Variants in CUX1 observed in about 807,000 individuals in gnomAD.
CUX1 encodes protein CASP.
A neutral mutation model predicts 158.8 loss-of-function variants in CUX1; 31 were observed. That is an observed-to-expected ratio of 0.20 (90% CI 0.15 to 0.26). The LOEUF is 0.26. CUX1 is among the 10% of genes least tolerant of loss of function. The pLI, the probability that CUX1 is intolerant of heterozygous loss-of-function variation, is 1.00. For synonymous variants in CUX1, 879 were observed against 862.1 expected (o/e 1.02, Z -0.34); for missense variants, 1,589 against 2,014.6 (o/e 0.79, Z 4.04).
intron 11 of CUX1, among the ~76,000 whole-genome samples, chr7:102,183,728 C>A (rs1358587601): frequency 6.6e-6 from 1 of 152,244 alleles, no homozygotes; most frequent in Non-Finnish European, 1.5e-5. Flanking sequence ...CTGAGCCAGT[C>A]AGACAGCACC....
chr7:102,153,373 G>A (rs895878239), intron 8 of CUX1: 1 of 152,356 alleles, frequency 6.6e-6, no homozygotes, highest in Non-Finnish European at 1.5e-5. Context: ...CGCAAGTGAG[G>A]AGTGGATGAA....
chr7:101,881,659 T>G (rs1211050585), intron 1 of CUX1, among the ~76,000 whole-genome samples: 1 of 152,186 alleles, frequency 6.6e-6, no homozygotes, highest in Non-Finnish European at 1.5e-5. Flanking sequence ...TGTCAAGAAC[T>G]TATCCTGCCT....
At position 102,248,392 on chromosome 7, in the gene CUX1, C is replaced by T. The variant is rs1316421594; in HGVS notation, c.3888-20C>T. 3 of 1,572,442 alleles carry T rather than the reference C, an allele frequency of 1.9e-6. No homozygotes were observed. Among genetic ancestry groups the T allele is most frequent in the Non-Finnish European group, 2.6e-6 (3 of 1,165,750 alleles). ...CCCAGCAGCACCCCCCTCACGTCCCCGCCGCTTGTTGTCTTGTAGGTCTCG... is the reference window on the plus strand; with the variant it reads ...CCCAGCAGCACCCCCCTCACGTCCCTGCCGCTTGTTGTCTTGTAGGTCTCG... On this transcript the variant is annotated intron_variant, in intron 23 of 23. Transcript: ENST00000292535. The surrounding 1 kb of genome is among the most constrained non-coding windows in gnomAD (Gnocchi z 5.8).
chr7:102,254,010 G>T lies in CUX1; in HGVS notation c.*4968G>T. 1.0e-6 allele frequency: 1 copy of T among 985,488 alleles called. No individual in the cohort carries two copies. The highest frequency in any genetic ancestry group is 1.2e-6 in the Non-Finnish European group (1 of 829,970). 61.0% of individuals were successfully genotyped at this position (985,488 alleles called of 1,614,324 possible). A position where few individuals can be genotyped will look rare whatever the true frequency, so the allele number is the denominator to read the frequency against. ...AACTGTGAGGCACGTGGGCTGGAGA[G>T]AGCAGAAAAGCTGCCAGCGCAGCAG... On this transcript the variant is annotated 3_prime_UTR_variant, in exon 24 of 24. Coordinates refer to ENST00000292535, the MANE Select transcript of CUX1 (RefSeq NM_181552.4).
At chr7:102,232,831 G>A (rs950683584) in intron 21 of CUX1, among the ~76,000 whole-genome samples, 10 of 152,176 alleles carry the variant, frequency 6.6e-5, no homozygotes, top group Admixed American at 2.6e-4. Context: ...TCAGGAAAGG[G>A]GTTTTGATCC....
Position 102,068,086 on chromosome 7 carries a change from G to T in CUX1, c.190-2253G>T, listed in dbSNP as rs141655779. Among the ~76,000 whole-genome samples the T allele has an allele frequency of 6.8e-3, 1,027 of 151,432 alleles. 16 individuals are homozygous for T. Among genetic ancestry groups the T allele is most frequent in the African/African-American group, 0.024 (990 of 41,304 alleles). On this transcript the variant is annotated intron_variant, in intron 3 of 23. Transcript: ENST00000292535. ...CACCAAATTCACAACCTTGTTTTTT[G>T]TTGTTGTTGTTGTTGTTTAATTTGA...
intron 4 of CUX1, among the ~76,000 whole-genome samples, chr7:102,097,031 C>T (rs1829271918): frequency 6.6e-6 from 1 of 152,258 alleles, no homozygotes; most frequent in Admixed American, 6.5e-5. Flanking sequence ...CCTCCTGGGG[C>T]TGCTACCTGG....
chr7:101,967,419 C>T lies in CUX1; in HGVS notation c.141+51194C>T, dbSNP rs560491433. ...GAAACACCGCGCTAGATCTGGTAGC[C>T]GCGGACAATTTGGATTCCTTCTCCA... On this transcript the variant is annotated intron_variant, in intron 2 of 23. Coordinates refer to ENST00000292535, the MANE Select transcript of CUX1 (RefSeq NM_181552.4). Among the ~76,000 whole-genome samples the T allele has an allele frequency of 5.3e-4, 80 of 152,306 alleles. 1 individual carries two copies. The South Asian group carries it at 0.015, about 28-fold the overall frequency.
chr7:102,211,274 G>A (rs782810548), intron 20 of CUX1, among the ~76,000 whole-genome samples: 1 of 147,258 alleles, frequency 6.8e-6, no homozygotes, highest in African/African-American at 2.5e-5. Context: ...GGTGAAACTC[G>A]GTCTCTACTA....
intron 1 of CUX1, among the ~76,000 whole-genome samples, chr7:101,857,765 A>AT (rs1314017232): frequency 7.9e-6 from 1 of 127,366 alleles, no homozygotes; most frequent in African/African-American, 3.4e-5. Context: ...TTTTGCAGGG[A>AT]ATTTTTTTCC....
intron 1 of CUX1, among the ~76,000 whole-genome samples, chr7:101,854,541 C>A (rs140114606): frequency 2.2e-4 from 33 of 152,184 alleles, no homozygotes; most frequent in African/African-American, 7.9e-4. Flanking sequence ...GGAAGGGACC[C>A]CCTCCATAAA....
intron 4 of CUX1, among the ~76,000 whole-genome samples, chr7:102,077,557 A>G (rs1248701045): frequency 6.7e-6 from 1 of 150,114 alleles, no homozygotes; most frequent in African/African-American, 2.4e-5. Context: ...AAAGATGAAC[A>G]AGTAAAATAT....
At chr7:101,954,486 G>A (rs1296880157) in intron 2 of CUX1, among the ~76,000 whole-genome samples, 1 of 152,214 alleles carries the variant, frequency 6.6e-6, no homozygotes, top group Non-Finnish European at 1.5e-5. Flanking sequence ...GTATTGCCAA[G>A]GAGAATCCCA....
intron 8 of CUX1, among the ~76,000 whole-genome samples, chr7:102,118,546 G>A (rs561833611): frequency 6.6e-6 from 1 of 152,030 alleles, no homozygotes; most frequent in South Asian, 2.1e-4. Flanking sequence ...AAAAAAAAAG[G>A]GATTCTTAAA....
Position 102,248,705 on chromosome 7 carries a change from G to T in CUX1, c.4181G>T (p.Gly1394Val). 1 of 1,235,562 alleles carries T rather than the reference G, an allele frequency of 8.1e-7. No individual in the cohort carries two copies. The highest frequency in any genetic ancestry group is 1.0e-6 in the Non-Finnish European group (1 of 984,754). The allele number at this position is 1,235,562 out of a possible 1,614,324, so 76.5% of individuals were successfully genotyped here. Residue 1394 changes from glycine to valine, a missense_variant, in exon 24 of 24, where the codon GGC becomes GTC. Gly to Val is a moderately radical substitution (Grantham distance 109). Around this residue, in one of 8 missense-constraint regions of CUX1, gnomAD observed 344 missense variants for 323.7 expected, o/e 1.06. Transcript: ENST00000292535. This position sits in a 1 kb window ranked among gnomAD's most constrained non-coding sequence, Gnocchi z 5.8. The part of the protein sequence containing the change: ...DDARDDDHEG[G>V]PVEGPGPLPS... ...GCCCGCGACGACGACCACGAGGGAG[G>T]CCCCGTGGAAGGCCCGGGGCCCCTG...
At position 102,104,634 on chromosome 7, in the gene CUX1, G is replaced by A. The variant is rs149187147; in HGVS notation, c.530+175G>A. 1.9e-3 allele frequency among the ~76,000 whole-genome samples: 293 copies of A among 152,298 alleles called. 2 individuals are homozygous for A. The highest frequency in any genetic ancestry group is 1.6e-3 in the Non-Finnish European group (110 of 68,016). On this transcript the variant is annotated intron_variant, in intron 6 of 23. Coordinates refer to ENST00000292535, the MANE Select transcript of CUX1 (RefSeq NM_181552.4). ...TGGCTGGGTGTGGTGGCTCACGCCT[G>A]TAATCTCAGCACTTTGGGAGGCCGA...
intron 3 of CUX1, among the ~76,000 whole-genome samples, chr7:102,066,768 G>A (rs548135196): frequency 2.0e-5 from 3 of 152,312 alleles, no homozygotes; most frequent in South Asian, 2.1e-4. Context: ...ATCTGGAGAA[G>A]CAACTCCAAA....
At chr7:101,988,423 A>G (rs958320306) in intron 2 of CUX1, among the ~76,000 whole-genome samples, 5 of 152,084 alleles carry the variant, frequency 3.3e-5, no homozygotes, top group South Asian at 2.1e-4. Context: ...AAAACACTTC[A>G]TGGGCTGTGG....
intron 6 of CUX1, among the ~76,000 whole-genome samples, chr7:102,108,736 T>TTTTGTGTGTGTGTGTGTGTG (rs10529873): frequency 1.3e-3 from 182 of 145,056 alleles, no homozygotes; most frequent in African/African-American, 4.4e-3. Context: ...TTCATTCATT[T>TTTTGTGTGTGTGTGTGTGTG]TGTGTGTGTG....
Sources: gnomAD v4.1 joint callset for allele counts (sites outside exome capture counted in the v4.1 genomes callset) on GRCh38, gnomAD v4.1.1 for gene constraint, gnomAD v4.1.1 regional missense constraint, Gnocchi (gnomAD v3.1) non-coding constraint, MANE v1.5 for transcripts, NCBI Gene and HGNC (gene_info 2026-07-23, HGNC 2026-07-21) for gene names.